MOGAT1: variants seen among roughly 807,000 people sequenced by gnomAD.
The protein encoded by MOGAT1 is 2-acylglycerol O-acyltransferase 1.
A neutral mutation model predicts 31.4 loss-of-function variants in MOGAT1; 32 were observed. The observed-to-expected ratio is 1.02, with a 90% CI of 0.77 to 1.37. The LOEUF is 1.37. Ranked by LOEUF, MOGAT1 falls within the 40% of genes most tolerant of loss-of-function variation. The probability of loss-of-function intolerance (pLI) is 0.00; values close to 1 mark genes in which losing one functional copy is unlikely to be tolerated. For synonymous variants in MOGAT1, 145 were observed against 144.5 expected, an observed-to-expected ratio of 1.00 and a Z score of -0.03; for missense variants, 426 against 402.0, an observed-to-expected ratio of 1.06 and a Z score of -0.51.
chr2:222,693,157 T>A (rs1692787158), intron 3 of MOGAT1, among the ~76,000 whole-genome samples: 1 of 152,166 alleles, frequency 6.6e-6, no homozygotes, highest in South Asian at 2.1e-4. Flanking sequence ...TAAAAATGGA[T>A]AAAACCCAGA....
chr2:222,693,301 T>A (rs751041086), intron 3 of MOGAT1, among the ~76,000 whole-genome samples: 30 of 152,282 alleles, frequency 2.0e-4, no homozygotes, highest in Non-Finnish European at 3.7e-4. Flanking sequence ...TGAAAAGGAA[T>A]CTTTTAAGTT....
chr2:222,694,595 C>A, intron 4 of MOGAT1, 59 bp downstream of exon 4: 8 of 1,521,544 alleles, frequency 5.3e-6, no homozygotes, highest in Non-Finnish European at 7.1e-6. Context: ...ATTAAACAAA[C>A]CACGAAGAAG....
chr2:222,671,902 C>T (rs923100576), intron 1 of MOGAT1, 23 bp downstream of exon 1: 2 of 1,537,136 alleles, frequency 1.3e-6, no homozygotes, highest in African/African-American at 1.4e-5. Flanking sequence ...CCCCCCGGGC[C>T]GCGGGGCTTG....
chr2:222,700,733 G>T (rs893295377), intron 5 of MOGAT1, among the ~76,000 whole-genome samples: 1 of 152,098 alleles, frequency 6.6e-6, no homozygotes, highest in Non-Finnish European at 1.5e-5. Context: ...CATAAAAAAA[G>T]TAAAGCCATG....
intron 1 of MOGAT1, 21 bp downstream of exon 1, chr2:222,671,900 GC>G: frequency 6.5e-7 from 1 of 1,542,874 alleles, no homozygotes; most frequent in Non-Finnish European, 8.8e-7. Context: ...CGCCCCCCGG[GC>G]CGCGGGGCTT....
At chr2:222,689,592 G>C (rs1022341047) in intron 3 of MOGAT1, 123 bp downstream of exon 3, 1 of 858,372 alleles carries the variant, frequency 1.2e-6, no homozygotes, top group South Asian at 1.6e-5. Flanking sequence ...ATCCTCATCT[G>C]GCACTTCCTA....
At chr2:222,677,959 C>A in intron 1 of MOGAT1, 1 of 259,220 alleles carries the variant, frequency 3.9e-6, no homozygotes, top group South Asian at 5.8e-5. Context: ...GAGAATCTGT[C>A]TTTGAAATGT....
At chr2:222,691,081 C>G (rs1490148262) in intron 3 of MOGAT1, among the ~76,000 whole-genome samples, 5 of 152,284 alleles carry the variant, frequency 3.3e-5, no homozygotes, top group African/African-American at 1.2e-4. Context: ...GACACATATA[C>G]TCCATCTTAG....
intron 2 of MOGAT1, 96 bp downstream of exon 2, chr2:222,688,618 G>T: frequency 1.2e-6 from 1 of 855,338 alleles, no homozygotes; most frequent in African/African-American, 1.7e-5. Context: ...TTTCAGAGGG[G>T]ATGTCTTAGT....
Position 222,694,552 on chromosome 2 carries a change from T to C in MOGAT1, c.653+16T>C. On this transcript the variant is annotated intron_variant, in intron 4 of 5. Coordinates refer to ENST00000446656, the MANE Select transcript of MOGAT1 (RefSeq NM_058165.3). ...TGACCCATGGGTAAGTGGCTTTTTG[T>C]ATAAAGTAGGGGGTCAGAAAAGTTA... 6.2e-7 allele frequency: 1 copy of C among 1,610,416 alleles called. No homozygotes were observed. Among genetic ancestry groups the C allele is most frequent in the Non-Finnish European group, 8.5e-7 (1 of 1,178,422 alleles).
At chr2:222,697,576 C>CTTTTTT (rs35259095) in intron 5 of MOGAT1, among the ~76,000 whole-genome samples, 12 of 96,016 alleles carry the variant, frequency 1.2e-4, no homozygotes, top group South Asian at 3.4e-4. Context: ...TTATCAGAAT[C>CTTTTTT]TTTTTTTTTT....
chr2:222,691,748 C>T (rs1421741062), intron 3 of MOGAT1, among the ~76,000 whole-genome samples: 42 of 152,216 alleles, frequency 2.8e-4, no homozygotes, highest in Admixed American at 2.7e-3. Context: ...GACTGACAGA[C>T]ATAGGCACCA....
At position 222,705,697 on chromosome 2, in the gene MOGAT1, G is replaced by A. The variant is rs190573616; in HGVS notation, c.854-4039G>A. Among the ~76,000 whole-genome samples the A allele has an allele frequency of 2.6e-3, 401 of 152,170 alleles. 3 individuals are homozygous for A. Among genetic ancestry groups the A allele is most frequent in the Non-Finnish European group, 4.7e-3 (317 of 68,006 alleles). On this transcript the variant is annotated intron_variant, in intron 5 of 5. Transcript: ENST00000446656. ...CCCATTGTTCTCATTTGTAAAACAG[G>A]GACAATAATGGCTGTCTTGCTAGGT...
intron 1 of MOGAT1, among the ~76,000 whole-genome samples, chr2:222,679,652 C>A (rs941395662): frequency 2.0e-5 from 3 of 152,204 alleles, no homozygotes; most frequent in African/African-American, 7.2e-5. Flanking sequence ...TTACTAATGT[C>A]CTGTATAGCA....
At position 222,689,415 on chromosome 2, in the gene MOGAT1, G is replaced by T; in HGVS notation, c.424G>T (p.Val142Leu). ...TCCTGGCTTTACTTCATATCTTCAC[G>T]TGCTGCCACTTTGGTTCTGGTGTCC... ...LFPGFTSYLHVLPLWFWCPVF... is the reference protein window; with the variant it reads ...LFPGFTSYLHLLPLWFWCPVF... Residue 142 changes from valine (V) to leucine (L), a missense_variant, in exon 3 of 6, where the codon GTG (valine) becomes TTG (leucine). By Grantham distance (32) the Val-to-Leu change is conservative (BLOSUM62 1). Transcript: ENST00000446656. 6.2e-7 allele frequency: 1 copy of T among 1,613,028 alleles called. No homozygotes were observed.
intron 1 of MOGAT1, among the ~76,000 whole-genome samples, chr2:222,682,222 A>ATAC (rs1692592058): frequency 6.6e-6 from 1 of 152,200 alleles, no homozygotes; most frequent in Non-Finnish European, 1.5e-5. Flanking sequence ...TCATCTCTAA[A>ATAC]TACTGTAGCA....
chr2:222,683,929 A>G (rs1692623338), intron 1 of MOGAT1, among the ~76,000 whole-genome samples: 1 of 152,244 alleles, frequency 6.6e-6, no homozygotes, highest in East Asian at 1.9e-4. Context: ...AGTTATCAAC[A>G]TAAGTTTCGA....
chr2:222,690,522 A>C (rs112486618), intron 3 of MOGAT1, among the ~76,000 whole-genome samples: 4 of 152,062 alleles, frequency 2.6e-5, no homozygotes, highest in Non-Finnish European at 4.4e-5. Context: ...TTGCCACTGC[A>C]CTCCAGCCCG....
chr2:222,674,126 A>T (rs1452595433), intron 1 of MOGAT1, among the ~76,000 whole-genome samples: 4 of 152,218 alleles, frequency 2.6e-5, no homozygotes, highest in Non-Finnish European at 5.9e-5. Flanking sequence ...AAGTCGAGAC[A>T]CATGTGACCG....
Sources: allele counts gnomAD v4.1 joint callset (sites outside exome capture counted in the v4.1 genomes callset), GRCh38; gene constraint gnomAD v4.1.1; transcripts MANE v1.5; gene names NCBI Gene and HGNC (gene_info 2026-07-23, HGNC 2026-07-21).